Variants in PTPRJ observed in about 807,000 individuals in gnomAD.
PTPRJ encodes protein tyrosine phosphatase receptor type J, also known as receptor-type tyrosine-protein phosphatase eta.
In PTPRJ, 129 loss-of-function variants were observed where a neutral mutation model predicts 141.3. The ratio of observed to expected loss-of-function variants is 0.91; its 90% CI spans 0.79 to 1.06. PTPRJ has a LOEUF of 1.06. Among genes scored for constraint, PTPRJ ranks in the 50% least tolerant of loss-of-function variants. The probability of loss-of-function intolerance (pLI) is 0.00; values close to 1 mark genes in which losing one functional copy is unlikely to be tolerated. For synonymous variants in PTPRJ, 610 were observed against 640.5 expected, an observed-to-expected ratio of 0.95 and a Z score of 0.72; for missense variants, 1,601 against 1,679.7, an observed-to-expected ratio of 0.95 and a Z score of 0.82.
chr11:48,145,333 C>G (rs1857324674), intron 14 of PTPRJ, among the ~76,000 whole-genome samples: 1 of 152,168 alleles, frequency 6.6e-6, no homozygotes, highest in Non-Finnish European at 1.5e-5. Flanking sequence ...CACACTCTCC[C>G]TTCTCTAAGT....
At chr11:48,002,029 C>T (rs1291031264) in intron 1 of PTPRJ, among the ~76,000 whole-genome samples, 1 of 152,104 alleles carries the variant, frequency 6.6e-6, no homozygotes, top group Non-Finnish European at 1.5e-5. Context: ...GGGAGTACAA[C>T]TTTTCAGGCC....
chr11:48,076,591 C>T (rs537044781), intron 1 of PTPRJ, among the ~76,000 whole-genome samples: 1 of 152,054 alleles, frequency 6.6e-6, no homozygotes, highest in Non-Finnish European at 1.5e-5. Flanking sequence ...AAAGAGTTGA[C>T]TTCAAAGCTC....
chr11:48,003,696 A>G (rs1285268878), intron 1 of PTPRJ, among the ~76,000 whole-genome samples: 4 of 152,164 alleles, frequency 2.6e-5, no homozygotes, highest in East Asian at 1.9e-4. Context: ...GGGTTTCATC[A>G]TGATGGCCAG....
intron 1 of PTPRJ, among the ~76,000 whole-genome samples, chr11:48,086,262 C>T (rs1000364388): frequency 2.0e-5 from 3 of 152,136 alleles, no homozygotes; most frequent in Non-Finnish European, 2.9e-5. Context: ...CAACCTCTGC[C>T]TCCCGGTTCA....
intron 1 of PTPRJ, among the ~76,000 whole-genome samples, chr11:48,099,384 G>A (rs4752894): frequency 0.46 from 70,616 of 152,174 alleles, 19,590 homozygotes; most frequent in Admixed American, 0.59. Context: ...ACGCTTGTAA[G>A]TAAAGTTCTG....
rs71045551 is a variant in PTPRJ, at chr11:48,168,534, GTATATATATATA to G, written c.*1209_*1220del. The G allele has an allele frequency of 8.8e-4, 39 of 44,072 alleles. 1 individual carries two copies. Among genetic ancestry groups the G allele is most frequent in the Non-Finnish European group, 9.9e-4 (24 of 24,242 alleles). 2.7% of individuals were successfully genotyped at this position (44,072 alleles called of 1,614,324 possible). ...CGTGACACATATCGGAATCTACTGTGTATATATATATATATATATATATATATATATATATAT... is the reference window on the plus strand; with the variant it reads ...CGTGACACATATCGGAATCTACTGTGTATATATATATATATATATATATAT... On this transcript the variant is annotated 3_prime_UTR_variant, in exon 25 of 25. Transcript: ENST00000418331.
At chr11:48,015,623 T>G (rs1854928970) in intron 1 of PTPRJ, among the ~76,000 whole-genome samples, 3 of 152,042 alleles carry the variant, frequency 2.0e-5, no homozygotes, top group Admixed American at 2.0e-4. Context: ...ATGCCTGTAA[T>G]CCCAGCACTT....
At position 48,130,361 on chromosome 11, in the gene PTPRJ, C is replaced by T. The variant is rs570606448; in HGVS notation, c.1358-98C>T. 9.6e-6 allele frequency: 12 copies of T among 1,250,260 alleles called. No homozygotes were observed. The East Asian group carries it at 2.1e-4, about 22-fold the overall frequency. The allele number at this position is 1,250,260 out of a possible 1,614,324, so 77.4% of individuals were successfully genotyped here. A position where few individuals can be genotyped will look rare whatever the true frequency, so the allele number is the denominator to read the frequency against. ...GAAGACAGAGAGAGGGATCAGGTGT[C>T]CTAAGTGTACATTTCATCTCAGTAT... is the stretch of plus-strand genomic sequence containing the variant. On this transcript the variant is annotated intron_variant, in intron 7 of 24. Coordinates refer to ENST00000418331, the MANE Select transcript of PTPRJ (RefSeq NM_002843.4).
chr11:48,003,912 C>A (rs1263456266), intron 1 of PTPRJ, among the ~76,000 whole-genome samples: 1 of 152,136 alleles, frequency 6.6e-6, no homozygotes, highest in Admixed American at 6.6e-5. Flanking sequence ...TTCTGTGATC[C>A]TTTTTTAAAA....
chr11:48,077,071 G>C (rs1328612309), intron 1 of PTPRJ, among the ~76,000 whole-genome samples: 2 of 151,980 alleles, frequency 1.3e-5, no homozygotes, highest in African/African-American at 4.8e-5. Context: ...TCTCCATGTT[G>C]GTCAGGCTGG....
chr11:48,031,175 T>A (rs991336532), intron 1 of PTPRJ, among the ~76,000 whole-genome samples: 1 of 152,238 alleles, frequency 6.6e-6, no homozygotes, highest in Non-Finnish European at 1.5e-5. Context: ...TTGTTATTTT[T>A]ATTTTTTTAA....
chr11:48,084,237 C>T (rs889110093), intron 1 of PTPRJ, among the ~76,000 whole-genome samples: 1 of 152,024 alleles, frequency 6.6e-6, no homozygotes, highest in Non-Finnish European at 1.5e-5. Flanking sequence ...AGTGGAGTGG[C>T]GTGATCTTGG....
At chr11:48,009,333 C>T (rs373486081) in intron 1 of PTPRJ, among the ~76,000 whole-genome samples, 1 of 152,176 alleles carries the variant, frequency 6.6e-6, no homozygotes, top group East Asian at 1.9e-4. Context: ...CAGTGGCTCA[C>T]GACTGTAATC....
At chr11:48,102,486 G>T (rs184898148) in intron 1 of PTPRJ, among the ~76,000 whole-genome samples, 4 of 152,078 alleles carry the variant, frequency 2.6e-5, no homozygotes, top group African/African-American at 9.6e-5. Context: ...TTGGCTCACT[G>T]CAACCTCTGC....
intron 15 of PTPRJ, 53 bp downstream of exon 15, chr11:48,147,016 T>C: frequency 2.0e-6 from 3 of 1,477,542 alleles, no homozygotes; most frequent in Non-Finnish European, 2.8e-6. Context: ...AAGCTTTCTA[T>C]TAAGGAACAT....
chr11:48,070,591 A>G (rs1422364072), intron 1 of PTPRJ, among the ~76,000 whole-genome samples: 1 of 151,910 alleles, frequency 6.6e-6, no homozygotes, highest in African/African-American at 2.4e-5. Flanking sequence ...TCATCTCCAT[A>G]GTGTGGGTGG....
At chr11:48,081,560 T>C (rs1229762739) in intron 1 of PTPRJ, among the ~76,000 whole-genome samples, 1 of 152,040 alleles carries the variant, frequency 6.6e-6, no homozygotes, top group Non-Finnish European at 1.5e-5. Context: ...GGCTGGCTTT[T>C]GTGTTGGTCG....
intron 1 of PTPRJ, among the ~76,000 whole-genome samples, chr11:48,018,195 G>C (rs1431071929): frequency 6.7e-6 from 1 of 148,286 alleles, no homozygotes; most frequent in Admixed American, 6.7e-5. Context: ...CCTTAATTCT[G>C]GGTGTATGCA....
chr11:48,117,176 A>G (rs1050446103), intron 3 of PTPRJ, among the ~76,000 whole-genome samples: 1 of 152,242 alleles, frequency 6.6e-6, no homozygotes, highest in East Asian at 1.9e-4. Flanking sequence ...GAAACACAAT[A>G]TACTAAAGCC....
Sources: allele counts gnomAD v4.1 joint callset (sites outside exome capture counted in the v4.1 genomes callset), GRCh38; gene constraint gnomAD v4.1.1; transcripts MANE v1.5; gene names NCBI Gene and HGNC (gene_info 2026-07-23, HGNC 2026-07-21).